The following UBE3A variants were observed in gnomAD, a reference collection of about 807,000 sequenced individuals.
UBE3A encodes ubiquitin protein ligase E3A.
UBE3A carries 6 observed loss-of-function variants against 83.4 expected under a neutral mutation model. The ratio of observed to expected loss-of-function variants is 0.07; its 90% CI spans 0.04 to 0.14. The LOEUF (loss-of-function observed/expected upper bound fraction) is 0.14. Among genes scored for constraint, UBE3A ranks in the 10% least tolerant of loss-of-function variants. The pLI, the probability that UBE3A is intolerant of heterozygous loss-of-function variation, is 1.00. For missense variants in UBE3A, 456 were observed against 1,036.1 expected (o/e 0.44, Z 7.69); for synonymous variants, 337 against 355.4 (o/e 0.95, Z 0.58).
intron 11 of UBE3A, chr15:25,346,534 A>G (rs1054579092): frequency 1.3e-5 from 2 of 152,224 alleles, no homozygotes; most frequent in African/African-American, 4.8e-5. Flanking sequence ...CATGAAGGAA[A>G]GAAAACGCCA....
intron 4 of UBE3A, among the ~76,000 whole-genome samples, chr15:25,404,748 C>G (rs1008306992): frequency 1.3e-5 from 2 of 152,116 alleles, no homozygotes; most frequent in Non-Finnish European, 2.9e-5. Flanking sequence ...ATCTTATCTT[C>G]TTCATTTTCC....
chr15:25,340,233 T>TATTA lies in UBE3A; in HGVS notation c.2355-6_2355-5insTAAT, dbSNP rs1555380917. On this transcript the variant is annotated splice_polypyrimidine_tract_variant and splice_region_variant and intron_variant, in intron 11 of 12. Transcript: ENST00000648336. ...TGAACGATTTCCCAGAACTCCCTAATGAGAAAAAATACAATACTGGTTTCA... is the reference window on the plus strand; with the variant it reads ...TGAACGATTTCCCAGAACTCCCTAATATTAGAGAAAAAATACAATACTGGTTTCA... 1 of 1,612,052 alleles carries TATTA rather than the reference T, an allele frequency of 6.2e-7. No homozygotes were observed. Among genetic ancestry groups the TATTA allele is most frequent in the Admixed American group, 1.7e-5 (1 of 59,998 alleles).
At chr15:25,375,191 CACT>C in intron 5 of UBE3A, 1 of 401,492 alleles carries the variant, frequency 2.5e-6, no homozygotes, top group Non-Finnish European at 4.5e-6. Context: ...TTTGGAGATT[CACT>C]ACCACTTAAT....
At chr15:25,430,161 AAGATT>A (rs1284559866) in intron 1 of UBE3A, among the ~76,000 whole-genome samples, 2 of 20,252 alleles carry the variant, frequency 9.9e-5, no homozygotes, top group African/African-American at 2.8e-4. Flanking sequence ...ACATATATAT[AAGATT>A]ATATATATAT....
At chr15:25,435,560 A>G (rs1485100791) in intron 1 of UBE3A, among the ~76,000 whole-genome samples, 1 of 152,192 alleles carries the variant, frequency 6.6e-6, no homozygotes, top group Non-Finnish European at 1.5e-5. Flanking sequence ...GAGGCCCTAT[A>G]GAGCCCCGTC....
chr15:25,359,232 T>C (rs1448886589), intron 7 of UBE3A, among the ~76,000 whole-genome samples: 2 of 152,230 alleles, frequency 1.3e-5, no homozygotes, highest in Admixed American at 1.3e-4. Context: ...AGGTTTAACA[T>C]TTCTAGATAC....
At chr15:25,416,084 T>C (rs2090863353) in intron 1 of UBE3A, among the ~76,000 whole-genome samples, 1 of 152,128 alleles carries the variant, frequency 6.6e-6, no homozygotes, top group African/African-American at 2.4e-5. Flanking sequence ...AATGGAATAA[T>C]TAAAATCGGC....
At chr15:25,435,849 A>T (rs1405684851) in intron 1 of UBE3A, among the ~76,000 whole-genome samples, 2 of 152,186 alleles carry the variant, frequency 1.3e-5, no homozygotes, top group African/African-American at 4.8e-5. Flanking sequence ...GAAAAGAAAT[A>T]AACAACATAA....
At chr15:25,384,329 C>T (rs8026555) in intron 4 of UBE3A, among the ~76,000 whole-genome samples, 18,053 of 151,422 alleles carry the variant, frequency 0.12, 1,150 homozygotes, top group Middle Eastern at 0.23. Context: ...GGCTTGGTGG[C>T]GCGCGCCTGT....
chr15:25,352,700 T>G (rs1407248837), intron 11 of UBE3A, among the ~76,000 whole-genome samples: 1 of 152,262 alleles, frequency 6.6e-6, no homozygotes, highest in African/African-American at 2.4e-5. Context: ...AGCACTACTT[T>G]AAGTCTTCAA....
chr15:25,380,918 A>G (rs1270155566), intron 4 of UBE3A, among the ~76,000 whole-genome samples: 1 of 152,200 alleles, frequency 6.6e-6, no homozygotes, highest in Non-Finnish European at 1.5e-5. Flanking sequence ...CTTTCCAATT[A>G]TTTATTTCTA....
At chr15:25,350,737 C>T (rs1024509861) in intron 11 of UBE3A, among the ~76,000 whole-genome samples, 8 of 152,006 alleles carry the variant, frequency 5.3e-5, no homozygotes, top group Non-Finnish European at 1.2e-4. Flanking sequence ...TATAATGCAA[C>T]ACTACTCTAT....
chr15:25,353,410 C>G (rs2076792991), intron 11 of UBE3A, among the ~76,000 whole-genome samples: 1 of 152,228 alleles, frequency 6.6e-6, no homozygotes, highest in South Asian at 2.1e-4. Context: ...AATCCATGCA[C>G]GCTCAAGTTC....
chr15:25,356,613 A>T, intron 8 of UBE3A, 78 bp downstream of exon 8: 1 of 1,430,468 alleles, frequency 7.0e-7, no homozygotes, highest in Non-Finnish European at 9.7e-7. Flanking sequence ...CAAAAACTTT[A>T]AAATTTTGAC....
Position 25,338,592 on chromosome 15 carries a change from C to CTGTT in UBE3A, c.*541_*544dup, listed in dbSNP as rs947560219. The CTGTT allele has an allele frequency of 1.5e-4, 23 of 152,036 alleles. No homozygotes were observed. The highest frequency in any genetic ancestry group is 5.3e-4 in the African/African-American group (22 of 41,402). The allele number at this position is 152,036 out of a possible 1,614,324, so 9.4% of individuals were successfully genotyped here. Reference sequence around the variant, plus strand: ...CTAGAACAGCAGTAATTGCATCACACTGTTTTCAAGACTTCAAGTTTCAAA... The same window carrying CTGTT: ...CTAGAACAGCAGTAATTGCATCACACTGTTTGTTTTCAAGACTTCAAGTTTCAAA... On this transcript the variant is annotated 3_prime_UTR_variant, in exon 13 of 13. Transcript: ENST00000648336.
chr15:25,403,649 A>G (rs1242915139), intron 4 of UBE3A, among the ~76,000 whole-genome samples: 1 of 152,174 alleles, frequency 6.6e-6, no homozygotes, highest in Non-Finnish European at 1.5e-5. Context: ...ATATTTGTAC[A>G]CTCCTGTTCA....
intron 1 of UBE3A, among the ~76,000 whole-genome samples, chr15:25,413,619 C>T (rs2090385678): frequency 6.6e-6 from 1 of 152,146 alleles, no homozygotes; most frequent in Non-Finnish European, 1.5e-5. Context: ...ATAATACTTG[C>T]AACATAATTC....
chr15:25,388,126 C>T (rs1322049260), intron 4 of UBE3A, among the ~76,000 whole-genome samples: 1 of 152,158 alleles, frequency 6.6e-6, no homozygotes. Context: ...GTCAGCATTA[C>T]TCTAATACCC....
intron 7 of UBE3A, among the ~76,000 whole-genome samples, chr15:25,357,996 GT>G (rs1193778193): frequency 6.7e-6 from 1 of 149,744 alleles, no homozygotes; most frequent in Non-Finnish European, 1.5e-5. Flanking sequence ...CGCCTCCCGG[GT>G]TCATGCCATT....
Sources: allele counts gnomAD v4.1 joint callset (sites outside exome capture counted in the v4.1 genomes callset), GRCh38; gene constraint gnomAD v4.1.1; transcripts MANE v1.5; gene names NCBI Gene and HGNC (gene_info 2026-07-23, HGNC 2026-07-21).